Variants in RBFOX1 observed in about 807,000 individuals in gnomAD.
RBFOX1 encodes the protein RNA binding fox-1 homolog 1, also known as RNA binding protein fox-1 homolog 1.
In RBFOX1, 8 loss-of-function variants were observed where a neutral mutation model predicts 57.7. That is an observed-to-expected ratio of 0.14 (90% CI 0.08 to 0.25). The LOEUF is 0.25. Among genes scored for constraint, RBFOX1 ranks in the 10% least tolerant of loss-of-function variants. The probability of loss-of-function intolerance (pLI) is 1.00; values close to 1 mark genes in which losing one functional copy is unlikely to be tolerated. For synonymous variants in RBFOX1, 326 were observed against 222.4 expected, an observed-to-expected ratio of 1.47 and a Z score of -4.15; for missense variants, 611 against 548.5, an observed-to-expected ratio of 1.11 and a Z score of -1.14.
chr16:5,293,804 G>A (rs1214774734), intron 1 of RBFOX1, among the ~76,000 whole-genome samples: 1 of 151,572 alleles, frequency 6.6e-6, no homozygotes, highest in African/African-American at 2.4e-5. Flanking sequence ...TTTTTGGGGG[G>A]GCGGGGGGTG....
intron 12 of RBFOX1, among the ~76,000 whole-genome samples, chr16:7,661,722 C>T (rs1456423080): frequency 1.3e-5 from 2 of 152,184 alleles, no homozygotes; most frequent in Non-Finnish European, 2.9e-5. Flanking sequence ...AGTTGGGGTA[C>T]AGGAAAGCTT....
At chr16:7,547,751 GA>G (rs1405100715) in intron 5 of RBFOX1, among the ~76,000 whole-genome samples, 1 of 152,204 alleles carries the variant, frequency 6.6e-6, no homozygotes, top group Non-Finnish European at 1.5e-5. Context: ...TTTGCAGGTG[GA>G]AACAGTTGTA....
At chr16:7,399,980 G>A (rs1304131586) in intron 4 of RBFOX1, among the ~76,000 whole-genome samples, 2 of 152,106 alleles carry the variant, frequency 1.3e-5, no homozygotes, top group East Asian at 1.9e-4. Flanking sequence ...TTGATAAAGG[G>A]CATTATATTT....
chr16:7,281,312 G>T (rs1420156660), intron 4 of RBFOX1, among the ~76,000 whole-genome samples: 1 of 151,664 alleles, frequency 6.6e-6, no homozygotes, highest in Non-Finnish European at 1.5e-5. Flanking sequence ...GCAATTGCAT[G>T]TGTATTTAAT....
intron 2 of RBFOX1, among the ~76,000 whole-genome samples, chr16:6,557,838 C>G (rs1567675336): frequency 1.3e-5 from 2 of 152,138 alleles, no homozygotes; most frequent in Non-Finnish European, 2.9e-5. Flanking sequence ...GATTTGTAGG[C>G]TAATTTATTG....
At chr16:7,378,107 GAGA>G (rs1347066169) in intron 4 of RBFOX1, among the ~76,000 whole-genome samples, 1 of 152,226 alleles carries the variant, frequency 6.6e-6, no homozygotes, top group Non-Finnish European at 1.5e-5. Flanking sequence ...AAGAATAATT[GAGA>G]AGTAGATCAG....
chr16:7,398,434 A>C (rs2098178707), intron 4 of RBFOX1, among the ~76,000 whole-genome samples: 1 of 152,216 alleles, frequency 6.6e-6, no homozygotes, highest in African/African-American at 2.4e-5. Flanking sequence ...AAGAATCTCA[A>C]TATATGGTGG....
chr16:7,602,958 G>A (rs1596335625), intron 9 of RBFOX1, among the ~76,000 whole-genome samples: 1 of 152,200 alleles, frequency 6.6e-6, no homozygotes, highest in East Asian at 1.9e-4. Flanking sequence ...ACAAATACAT[G>A]GAAATTCAAC....
intron 3 of RBFOX1, among the ~76,000 whole-genome samples, chr16:5,648,791 C>T (rs1187008849): frequency 2.0e-5 from 3 of 152,206 alleles, no homozygotes; most frequent in Non-Finnish European, 2.9e-5. Flanking sequence ...AGGCCAGGCA[C>T]ACTGGCTCAT....
intron 12 of RBFOX1, among the ~76,000 whole-genome samples, chr16:7,654,896 G>T (rs1299104308): frequency 6.6e-6 from 1 of 152,148 alleles, no homozygotes; most frequent in Admixed American, 6.5e-5. Flanking sequence ...CAACAAGAAA[G>T]AATTATCAGA....
intron 2 of RBFOX1, among the ~76,000 whole-genome samples, chr16:5,499,158 C>T (rs1040223626): frequency 1.6e-4 from 25 of 152,184 alleles, no homozygotes; most frequent in Admixed American, 1.6e-3. Context: ...GTCATAAGCT[C>T]TGAGGGTAGA....
At chr16:7,697,162 TG>T (rs1375633654) in intron 14 of RBFOX1, among the ~76,000 whole-genome samples, 1 of 152,138 alleles carries the variant, frequency 6.6e-6, no homozygotes, top group East Asian at 1.9e-4. Context: ...CGAAGGGCAA[TG>T]GGGGGGCCCT....
chr16:6,178,083 A>C (rs566352973), intron 1 of RBFOX1, among the ~76,000 whole-genome samples: 3 of 152,160 alleles, frequency 2.0e-5, no homozygotes, highest in South Asian at 4.2e-4. Context: ...ATTGCTTCCT[A>C]ACCAACAGAA....
At chr16:5,995,942 A>C (rs1817174178) in intron 4 of RBFOX1, among the ~76,000 whole-genome samples, 1 of 152,174 alleles carries the variant, frequency 6.6e-6, no homozygotes, top group African/African-American at 2.4e-5. Flanking sequence ...TCCAAGATTG[A>C]TTCGGTATGT....
At chr16:5,471,053 C>G (rs2069117989) in intron 2 of RBFOX1, among the ~76,000 whole-genome samples, 1 of 152,008 alleles carries the variant, frequency 6.6e-6, no homozygotes, top group Non-Finnish European at 1.5e-5. Flanking sequence ...GGGCTGGTCT[C>G]AAACTCCTGA....
At chr16:7,008,045 A>G (rs1270384832) in intron 3 of RBFOX1, among the ~76,000 whole-genome samples, 1 of 152,178 alleles carries the variant, frequency 6.6e-6, no homozygotes, top group Non-Finnish European at 1.5e-5. Flanking sequence ...CATTATCTAT[A>G]TTCAGTTGAG....
intron 3 of RBFOX1, among the ~76,000 whole-genome samples, chr16:5,853,628 G>A (rs2056951668): frequency 6.6e-6 from 1 of 152,214 alleles, no homozygotes; most frequent in Non-Finnish European, 1.5e-5. Context: ...TGAGCCCTCA[G>A]AAAAGACAGC....
chr16:6,237,069 C>G (rs1006780312), intron 1 of RBFOX1, among the ~76,000 whole-genome samples: 4 of 152,158 alleles, frequency 2.6e-5, no homozygotes, highest in Non-Finnish European at 5.9e-5. Context: ...AATGGAGTGT[C>G]TAAGGAAGTC....
At chr16:7,088,975 GGAA>G (rs2060404687) in intron 4 of RBFOX1, among the ~76,000 whole-genome samples, 1 of 152,152 alleles carries the variant, frequency 6.6e-6, no homozygotes. Context: ...TTGCTGTAAA[GGAA>G]GAAGGCCTTT....
Sources: gnomAD v4.1 joint callset for allele counts (sites outside exome capture counted in the v4.1 genomes callset) on GRCh38, gnomAD v4.1.1 for gene constraint, MANE v1.5 for transcripts, NCBI Gene and HGNC (gene_info 2026-07-23, HGNC 2026-07-21) for gene names.